The following DNA2 variants were observed in gnomAD, a reference collection of about 807,000 sequenced individuals.
DNA2 encodes DNA replication helicase/nuclease 2.
A neutral mutation model predicts 119.1 loss-of-function variants in DNA2; 101 were observed. The observed-to-expected ratio is 0.85, with a 90% confidence interval of 0.72 to 1.00. The LOEUF is 1.00. Among genes scored for constraint, DNA2 ranks in the 50% least tolerant of loss-of-function variants. DNA2 has a pLI of 0.00. For missense variants in DNA2, 1,121 were observed against 1,255.5 expected (o/e 0.89, Z 1.62); for synonymous variants, 366 against 424.4 (o/e 0.86, Z 1.69).
chr10:68,447,076 C>A (rs189464802), intron 6 of DNA2, among the ~76,000 whole-genome samples: 1 of 151,992 alleles, frequency 6.6e-6, no homozygotes, highest in Non-Finnish European at 1.5e-5. Flanking sequence ...ATGATTATTA[C>A]GTATTGCATG....
At chr10:68,472,004 G>A (rs1285316745), upstream of DNA2, 4 of 1,610,128 alleles carry the variant, frequency 2.5e-6, no homozygotes, top group Non-Finnish European at 3.4e-6. Context: ...CAAATGACCT[G>A]CGCCAGGCCG....
chr10:68,459,341 A>G, intron 4 of DNA2, 106 bp from the exon 5 acceptor site: 3 of 1,217,984 alleles, frequency 2.5e-6, no homozygotes, highest in Non-Finnish European at 3.3e-6. Flanking sequence ...CGAGGACAAA[A>G]AAATACATAT....
chr10:68,470,095 A>C lies in DNA2; in HGVS notation c.143T>G (p.Leu48Arg). 1 of 1,613,694 alleles carries C rather than the reference A, an allele frequency of 6.2e-7. No homozygotes were observed. Among genetic ancestry groups the C allele is most frequent in the Non-Finnish European group, 8.5e-7 (1 of 1,179,824 alleles). The change falls in exon 2 of 21, where the codon CTG (leucine) becomes CGG (arginine). Residue 48 changes from leucine (L) to arginine (R), a missense_variant. Transcript: ENST00000358410. ...CTGTACAGTATTGACTGCCAACACC[A>C]GGTACCGGTTATCCATTCCTGTGCT... Reference protein sequence around the residue: ...VLSTGMDNRYLVLAVNTVQNK... With the variant: ...VLSTGMDNRYRVLAVNTVQNK...
At chr10:68,457,791 C>G (rs2052205784) in intron 5 of DNA2, among the ~76,000 whole-genome samples, 1 of 149,656 alleles carries the variant, frequency 6.7e-6, no homozygotes, top group Non-Finnish European at 1.5e-5. Context: ...CATTAAATGG[C>G]TAAACACAGT....
intron 10 of DNA2, among the ~76,000 whole-genome samples, chr10:68,433,439 A>G (rs949658092): frequency 2.6e-5 from 4 of 152,202 alleles, no homozygotes; most frequent in African/African-American, 9.6e-5. Context: ...TCTACAATGT[A>G]GCCAGAGGAA....
chr10:68,427,920 C>T (rs536145317), intron 14 of DNA2, among the ~76,000 whole-genome samples: 4 of 150,830 alleles, frequency 2.7e-5, no homozygotes, highest in East Asian at 4.0e-4. Context: ...GTAATCCTAG[C>T]TACTCAGGAG....
intron 6 of DNA2, among the ~76,000 whole-genome samples, chr10:68,449,566 C>T (rs961346052): frequency 4.6e-5 from 7 of 151,916 alleles, no homozygotes; most frequent in African/African-American, 7.2e-5. Context: ...CAGGTGAGGT[C>T]GCGAGTTCGA....
chr10:68,457,289 C>G (rs1394360818), intron 5 of DNA2, among the ~76,000 whole-genome samples: 1 of 152,186 alleles, frequency 6.6e-6, no homozygotes, highest in African/African-American at 2.4e-5. Context: ...CACTAGTTCG[C>G]TGAGATACTG....
At chr10:68,433,672 C>T (rs1401354211) in intron 10 of DNA2, among the ~76,000 whole-genome samples, 4 of 152,020 alleles carry the variant, frequency 2.6e-5, no homozygotes, top group Non-Finnish European at 5.9e-5. Flanking sequence ...TGGGACTACA[C>T]GTGTACACCA....
Position 68,450,072 on chromosome 10 carries a change from G to C in DNA2, c.895C>G (p.Leu299Val). Residue 299 changes from leucine to valine, a missense_variant, in exon 6 of 21, where the codon CTT becomes GTT. Transcript: ENST00000358410. Reference protein sequence around the residue: ...KTKYKIMPLELKTGKESNSIE... With the variant: ...KTKYKIMPLEVKTGKESNSIE... ...GAATTTGATTCTTTGCCAGTTTTAAGTTCCAGCGGCATTATCTTGTATTTT... is the reference window on the plus strand; with the variant it reads ...GAATTTGATTCTTTGCCAGTTTTAACTTCCAGCGGCATTATCTTGTATTTT... 1 of 1,600,048 alleles carries C rather than the reference G, an allele frequency of 6.2e-7. No homozygotes were observed. Among genetic ancestry groups the C allele is most frequent in the Non-Finnish European group, 8.5e-7 (1 of 1,172,444 alleles).
chr10:68,453,863 C>A (rs972391340), intron 5 of DNA2, among the ~76,000 whole-genome samples: 2 of 152,146 alleles, frequency 1.3e-5, no homozygotes, highest in African/African-American at 4.8e-5. Flanking sequence ...CCACATTTCT[C>A]AAAACATATC....
At chr10:68,471,005 T>C (rs1472946948) in intron 1 of DNA2, among the ~76,000 whole-genome samples, 4 of 152,192 alleles carry the variant, frequency 2.6e-5, no homozygotes, top group Non-Finnish European at 4.4e-5. Flanking sequence ...CCAAGCTGTC[T>C]AAAATTATGC....
intron 2 of DNA2, 134 bp from the exon 3 acceptor site, chr10:68,468,440 T>TA: frequency 8.2e-6 from 5 of 608,124 alleles, no homozygotes; most frequent in East Asian, 6.5e-5. Flanking sequence ...TTCTGGGTCT[T>TA]TAAAAAAAAA....
intron 10 of DNA2, chr10:68,436,715 A>T (rs543607332): frequency 2.2e-5 from 5 of 223,204 alleles, no homozygotes; most frequent in Admixed American, 5.7e-5. Context: ...GCATGATTCC[A>T]TTTACATGAG....
intron 10 of DNA2, among the ~76,000 whole-genome samples, chr10:68,432,967 C>T (rs1013971184): frequency 2.6e-5 from 4 of 152,092 alleles, no homozygotes; most frequent in Non-Finnish European, 4.4e-5. Flanking sequence ...CTCCAGGGTC[C>T]CAGGCCCTCA....
rs1463164806 is a variant in DNA2 at position 68,470,158 on chromosome 10, T to C, written c.80A>G (p.Gln27Arg). The C allele has an allele frequency of 6.3e-7, 1 of 1,591,240 alleles. No homozygotes were observed. The highest frequency in any genetic ancestry group is 1.2e-5 in the South Asian group (1 of 86,102). ...EEAELPAELF[Q>R]KKVVASFPRT... The stretch of plus-strand genomic sequence containing the variant: ...TGGAAAGGAAGCTACCACTTTCTTC[T>C]GAAATCTAAAGCACACACATACAAA... Residue 27 changes from glutamine (Q) to arginine (R), a missense_variant, in exon 2 of 21, where the codon CAG becomes CGG. Physicochemically the swap from Gln to Arg is conservative, Grantham distance 43 (BLOSUM62 1). Transcript: ENST00000358410.
intron 5 of DNA2, among the ~76,000 whole-genome samples, chr10:68,455,805 A>G (rs2052174904): frequency 6.6e-6 from 1 of 152,096 alleles, no homozygotes; most frequent in South Asian, 2.1e-4. Flanking sequence ...TGAGCGACAG[A>G]GCGAGACTCC....
At chr10:68,467,418 G>T (rs912923557) in intron 3 of DNA2, among the ~76,000 whole-genome samples, 7 of 148,762 alleles carry the variant, frequency 4.7e-5, no homozygotes, top group African/African-American at 1.2e-4. Flanking sequence ...CCCAAAATAC[G>T]TTTTTTTTTT....
chr10:68,444,758 G>GT (rs200200053), intron 8 of DNA2, among the ~76,000 whole-genome samples, 163 bp downstream of exon 8: 57 of 150,392 alleles, frequency 3.8e-4, no homozygotes, highest in East Asian at 3.1e-3. Context: ...AAAGTACTGT[G>GT]GTTTTTTTTC....
Sources: allele counts gnomAD v4.1 joint callset (sites outside exome capture counted in the v4.1 genomes callset), GRCh38; gene constraint gnomAD v4.1.1; transcripts MANE v1.5; gene names NCBI Gene and HGNC (gene_info 2026-07-23, HGNC 2026-07-21).